SYN3: variants seen among roughly 807,000 people sequenced by gnomAD.
The protein encoded by SYN3 is synapsin-3.
In SYN3, 35 loss-of-function variants were observed where a neutral mutation model predicts 65.8. The ratio of observed to expected loss-of-function variants is 0.53; its 90% CI spans 0.41 to 0.70. The LOEUF (loss-of-function observed/expected upper bound fraction) is 0.70. Ranked by LOEUF, SYN3 falls within the 30% of genes least tolerant of loss-of-function variation. The pLI is 0.00. For missense variants in SYN3, 680 were observed against 749.0 expected (o/e 0.91, Z 1.08); for synonymous variants, 270 against 292.9 (o/e 0.92, Z 0.80).
At chr22:32,796,549 G>T (rs1354471145) in intron 6 of SYN3, among the ~76,000 whole-genome samples, 2 of 152,194 alleles carry the variant, frequency 1.3e-5, no homozygotes, top group Non-Finnish European at 2.9e-5. Flanking sequence ...GAGAGATCCT[G>T]CAGTACCTCG....
At chr22:32,990,376 G>GCATCCATCCACC in intron 2 of SYN3, among the ~76,000 whole-genome samples, 1 of 79,144 alleles carries the variant, frequency 1.3e-5, no homozygotes, top group Non-Finnish European at 3.0e-5. Flanking sequence ...ATCCATCCAT[G>GCATCCATCCACC]CATCCATCCA....
At chr22:32,975,569 GGC>G (rs1210128926) in intron 3 of SYN3, among the ~76,000 whole-genome samples, 2 of 152,078 alleles carry the variant, frequency 1.3e-5, no homozygotes, top group African/African-American at 4.8e-5. Context: ...TGGGATTACA[GGC>G]GTGAGCTACT....
intron 6 of SYN3, among the ~76,000 whole-genome samples, chr22:32,814,362 A>AAAGAAAGG (rs2047033549): frequency 1.1e-5 from 1 of 88,966 alleles, no homozygotes; most frequent in African/African-American, 4.2e-5. Context: ...AGAAAGAAAG[A>AAAGAAAGG]AAGAAAGAAA....
chr22:33,029,021 CAG>C (rs1158520490), intron 1 of SYN3, among the ~76,000 whole-genome samples: 1 of 151,146 alleles, frequency 6.6e-6, no homozygotes, highest in Non-Finnish European at 1.5e-5. Context: ...GCCTGGGTGA[CAG>C]AGCGAGACTC....
chr22:32,893,669 C>G (rs771371218), intron 4 of SYN3, among the ~76,000 whole-genome samples: 1 of 152,086 alleles, frequency 6.6e-6, no homozygotes, highest in Non-Finnish European at 1.5e-5. Flanking sequence ...CCCAACTGGT[C>G]CACACCTCCA....
At chr22:32,988,726 T>C (rs112781173) in intron 2 of SYN3, among the ~76,000 whole-genome samples, 43 of 152,192 alleles carry the variant, frequency 2.8e-4, no homozygotes, top group Middle Eastern at 6.8e-3. Flanking sequence ...CATCCAATGT[T>C]TGGTACCTAG....
At chr22:32,894,227 A>ATT (rs1347593595) in intron 4 of SYN3, among the ~76,000 whole-genome samples, 2 of 152,200 alleles carry the variant, frequency 1.3e-5, no homozygotes, top group African/African-American at 2.4e-5. Flanking sequence ...CAGTCACCAA[A>ATT]TTGTAGCCTA....
intron 6 of SYN3, among the ~76,000 whole-genome samples, chr22:32,707,756 T>C (rs2060899811): frequency 6.6e-6 from 1 of 152,202 alleles, no homozygotes; most frequent in Non-Finnish European, 1.5e-5. Context: ...GATAGTCTTC[T>C]AGACAATGCC....
rs868207182 is a variant in SYN3 at position 32,703,733 on chromosome 22, G to C, written c.712-106997C>G. 2.0e-5 allele frequency among the ~76,000 whole-genome samples: 3 copies of C among 151,934 alleles called. No homozygotes were observed. In the South Asian group the frequency reaches 6.3e-4, roughly 32 times the overall value. On this transcript the variant is annotated intron_variant, in intron 6 of 13. Transcript: ENST00000358763. ...AGAAAACTGATGGCAAAAGTCTTGAGGTGCTTTTCATAATGTCCTTAAATG... is the reference window on the plus strand; with the variant it reads ...AGAAAACTGATGGCAAAAGTCTTGACGTGCTTTTCATAATGTCCTTAAATG...
intron 5 of SYN3, among the ~76,000 whole-genome samples, chr22:32,867,997 G>A (rs901504397): frequency 6.6e-6 from 1 of 152,182 alleles, no homozygotes; most frequent in African/African-American, 2.4e-5. Context: ...GTTGGGTGTT[G>A]GAGAGAGAGA....
At chr22:32,787,346 C>T (rs139372139) in intron 6 of SYN3, among the ~76,000 whole-genome samples, 107 of 152,326 alleles carry the variant, frequency 7.0e-4, no homozygotes, top group Non-Finnish European at 1.2e-3. Context: ...CCGCACCCAA[C>T]CCTTTCTACT....
At chr22:32,858,999 T>C (rs1444234101) in intron 6 of SYN3, 1 of 677,980 alleles carries the variant, frequency 1.5e-6, no homozygotes, top group African/African-American at 1.8e-5. Flanking sequence ...AAAGCACTTA[T>C]CAGAATGTCT....
At chr22:32,835,039 C>G (rs1038172650) in intron 6 of SYN3, among the ~76,000 whole-genome samples, 1 of 152,220 alleles carries the variant, frequency 6.6e-6, no homozygotes, top group African/African-American at 2.4e-5. Flanking sequence ...CTTGTTTGTG[C>G]TGTTTCCATT....
chr22:32,581,883 G>A (rs368373719), intron 7 of SYN3, among the ~76,000 whole-genome samples: 56 of 135,482 alleles, frequency 4.1e-4, no homozygotes, highest in African/African-American at 1.3e-3. Flanking sequence ...TGCAACCTCC[G>A]CTTCCTGAAG....
intron 6 of SYN3, among the ~76,000 whole-genome samples, chr22:32,809,757 TTTC>T (rs1488503425): frequency 7.2e-5 from 11 of 152,228 alleles, no homozygotes; most frequent in Admixed American, 2.6e-4. Context: ...CCTGGGAAGT[TTTC>T]TCATGGGTTC....
At position 32,513,691 on chromosome 22, in the gene SYN3, G is replaced by T. The variant is rs71799111; in HGVS notation, c.*1C>A. The stretch of plus-strand genomic sequence containing the variant: ...CTCTTCCCCTCCCAGCCTGGATGGC[G>T]TTAGTCAGAGAACAGGCTGGCAAAA... On this transcript the variant is annotated 3_prime_UTR_variant, in exon 14 of 14. Transcript: ENST00000358763. 1.9e-6 allele frequency: 3 copies of T among 1,613,958 alleles called. No individual in the cohort carries two copies. Among genetic ancestry groups the T allele is most frequent in the Non-Finnish European group, 2.5e-6 (3 of 1,180,002 alleles).
chr22:32,700,843 G>C (rs1000697154), intron 6 of SYN3, among the ~76,000 whole-genome samples: 1 of 152,190 alleles, frequency 6.6e-6, no homozygotes, highest in Non-Finnish European at 1.5e-5. Context: ...CATAGGTAAC[G>C]CATCTTCAAA....
chr22:32,571,652 T>C (rs1464870403), intron 7 of SYN3, among the ~76,000 whole-genome samples: 1 of 152,140 alleles, frequency 6.6e-6, no homozygotes, highest in Non-Finnish European at 1.5e-5. Context: ...CAAAAGACTA[T>C]GAAAGGTGGC....
chr22:32,831,855 C>A (rs984953160), intron 6 of SYN3, among the ~76,000 whole-genome samples: 8 of 152,152 alleles, frequency 5.3e-5, no homozygotes, highest in African/African-American at 1.9e-4. Flanking sequence ...GCACCCCCCC[C>A]AACCTCCACC....
Sources: allele counts gnomAD v4.1 joint callset (sites outside exome capture counted in the v4.1 genomes callset), GRCh38; gene constraint gnomAD v4.1.1; transcripts MANE v1.5; gene names NCBI Gene and HGNC (gene_info 2026-07-23, HGNC 2026-07-21).